The following SLC8A1 variants were observed in gnomAD, a reference collection of about 807,000 sequenced individuals.
SLC8A1 encodes solute carrier family 8 member A1.
In SLC8A1, 18 loss-of-function variants were observed where a neutral mutation model predicts 68.3. The observed-to-expected ratio is 0.26, with a 90% confidence interval of 0.18 to 0.39. The LOEUF is 0.39. Ranked by LOEUF, SLC8A1 falls within the 10% of genes least tolerant of loss-of-function variation. SLC8A1 has a pLI of 1.00. For missense variants in SLC8A1, 985 were observed against 1,156.7 expected, an observed-to-expected ratio of 0.85 and a Z score of 2.15; for synonymous variants, 475 against 415.5, an observed-to-expected ratio of 1.14 and a Z score of -1.74.
At chr2:40,456,999 T>C (rs1703061647), upstream of SLC8A1, among the ~76,000 whole-genome samples, 1 of 152,218 alleles carries the variant, frequency 6.6e-6, no homozygotes, top group African/African-American at 2.4e-5. Context: ...AAAGGGGCAA[T>C]GAATTCTTCT....
exon 8 of SLC8A1, chr2:40,115,165 T>C: frequency 1.0e-6 from 1 of 996,960 alleles, no homozygotes; most frequent in Non-Finnish European, 1.3e-6. Flanking sequence ...TAAGTGAACA[T>C]GACAAATGTC....
At chr2:40,428,710 G>A in exon 2 of SLC8A1, 1 of 1,613,770 alleles carries the variant, frequency 6.2e-7, no homozygotes. Flanking sequence ...GGCAGTGGAG[G>A]GAGATCCGAG....
At chr2:40,358,342 G>A (rs1039431819) in intron 2 of SLC8A1, among the ~76,000 whole-genome samples, 3 of 151,098 alleles carry the variant, frequency 2.0e-5, no homozygotes, top group Non-Finnish European at 4.4e-5. Context: ...TGTCCTTGTA[G>A]AAACATCTGC....
intron 2 of SLC8A1, among the ~76,000 whole-genome samples, chr2:40,351,609 C>G (rs1419846631): frequency 1.3e-5 from 2 of 148,472 alleles, no homozygotes; most frequent in Non-Finnish European, 3.0e-5. Flanking sequence ...AGTTGGAAAA[C>G]TCATATTCTA....
rs545354306 is a variant in SLC8A1 at position 40,133,579 on chromosome 2, T to G, written c.2437+5822A>C. On this transcript the variant is annotated intron_variant, in intron 7 of 7. Coordinates refer to ENST00000406785, the Ensembl canonical transcript of SLC8A1. ...AGCCTATCATACCCAATTTTTAAGC[T>G]TTTCTGGCCCAGTAGCAACCAGCTG... is the stretch of plus-strand genomic sequence containing the variant. Among the ~76,000 whole-genome samples the G allele has an allele frequency of 3.4e-4, 51 of 152,080 alleles. 1 individual carries two copies. The highest frequency in any genetic ancestry group is 1.0e-3 in the African/African-American group (43 of 41,488).
intron 1 of SLC8A1, among the ~76,000 whole-genome samples, chr2:40,449,934 G>C (rs572524523): frequency 9.9e-5 from 15 of 152,110 alleles, no homozygotes; most frequent in Non-Finnish European, 2.1e-4. Context: ...GACAAAATCA[G>C]GGCTTCTTTT....
intron 1 of SLC8A1, among the ~76,000 whole-genome samples, chr2:40,440,949 A>T (rs1700349433): frequency 2.0e-5 from 3 of 152,098 alleles, no homozygotes; most frequent in Non-Finnish European, 4.4e-5. Context: ...CAAGAGAAAG[A>T]AAAAAAGGGT....
At chr2:40,504,212 A>G (rs1258251381) in intron 1 of SLC8A1, among the ~76,000 whole-genome samples, 2 of 152,052 alleles carry the variant, frequency 1.3e-5, no homozygotes, top group Non-Finnish European at 2.9e-5. Context: ...TGGGAAAAAG[A>G]CAGTCTCTTC....
At chr2:40,458,758 T>A (rs1703170210) in intron 1 of SLC8A1, among the ~76,000 whole-genome samples, 1 of 152,168 alleles carries the variant, frequency 6.6e-6, no homozygotes, top group Non-Finnish European at 1.5e-5. Flanking sequence ...TCTAAGCTCT[T>A]ATTTGGACCA....
chr2:40,164,166 C>CAGAGGGAA (rs2046157045), intron 5 of SLC8A1, among the ~76,000 whole-genome samples: 1 of 151,916 alleles, frequency 6.6e-6, no homozygotes, highest in Non-Finnish European at 1.5e-5. Context: ...TGGGAGGGGA[C>CAGAGGGAA]AGAGGGAGCA....
chr2:40,307,888 C>T (rs1442673824), intron 2 of SLC8A1, among the ~76,000 whole-genome samples: 1 of 152,042 alleles, frequency 6.6e-6, no homozygotes, highest in East Asian at 1.9e-4. Context: ...GATTTTTGAT[C>T]ATGTAACATT....
intron 7 of SLC8A1, among the ~76,000 whole-genome samples, chr2:40,127,357 C>T (rs181663763): frequency 3.9e-5 from 6 of 152,280 alleles, no homozygotes; most frequent in Admixed American, 1.3e-4. Context: ...CACGTCCAAC[C>T]ACTTCCAGCG....
intron 2 of SLC8A1, among the ~76,000 whole-genome samples, chr2:40,317,105 T>C (rs1377223953): frequency 6.6e-6 from 1 of 152,042 alleles, no homozygotes; most frequent in Non-Finnish European, 1.5e-5. Context: ...CTCCTAGAAT[T>C]AAGATTGCAT....
chr2:40,463,821 T>C (rs1380961045), intron 1 of SLC8A1, among the ~76,000 whole-genome samples: 1 of 139,264 alleles, frequency 7.2e-6, no homozygotes, highest in Non-Finnish European at 1.5e-5. Flanking sequence ...AGAGGATATA[T>C]ACATACACAC....
At chr2:40,410,256 A>G (rs1373899821) in intron 2 of SLC8A1, among the ~76,000 whole-genome samples, 2 of 152,114 alleles carry the variant, frequency 1.3e-5, no homozygotes, top group Non-Finnish European at 2.9e-5. Context: ...AGAACAATAA[A>G]TTATCCTGAC....
chr2:40,501,750 G>A (rs982658391), intron 1 of SLC8A1, among the ~76,000 whole-genome samples: 9 of 151,960 alleles, frequency 5.9e-5, no homozygotes, highest in Non-Finnish European at 8.8e-5. Flanking sequence ...CCTTGCCCAC[G>A]TAGTAGGGAT....
chr2:40,221,731 T>C (rs1359674829), intron 2 of SLC8A1, among the ~76,000 whole-genome samples: 9 of 152,096 alleles, frequency 5.9e-5, no homozygotes, highest in Non-Finnish European at 1.2e-4. Context: ...ACAGCAATAA[T>C]AGACAATCAG....
exon 8 of SLC8A1, chr2:40,098,756 G>C (rs1422075061): frequency 6.6e-6 from 1 of 151,854 alleles, no homozygotes; most frequent in African/African-American, 2.4e-5. Context: ...TACTACATTG[G>C]CTTAAAAAAT....
At chr2:40,225,172 A>G (rs1314897481) in intron 2 of SLC8A1, among the ~76,000 whole-genome samples, 1 of 152,144 alleles carries the variant, frequency 6.6e-6, no homozygotes, top group Non-Finnish European at 1.5e-5. Context: ...ACTTACTGTC[A>G]GCAGGATATA....
Sources: allele counts gnomAD v4.1 joint callset (sites outside exome capture counted in the v4.1 genomes callset), GRCh38; gene constraint gnomAD v4.1.1; transcripts MANE v1.5; gene names NCBI Gene and HGNC (gene_info 2026-07-23, HGNC 2026-07-21).